The following OCM2 variants were observed in gnomAD, a reference collection of about 807,000 sequenced individuals.
The protein encoded by OCM2 is oncomodulin 2.
OCM2 carries 6 observed loss-of-function variants against 13.6 expected under a neutral mutation model. The ratio of observed to expected loss-of-function variants is 0.44; its 90% CI spans 0.24 to 0.87. The LOEUF (loss-of-function observed/expected upper bound fraction) is 0.87. OCM2 is among the 40% of genes least tolerant of loss of function. OCM2 has a pLI of 0.22. For missense variants in OCM2, 118 were observed against 136.8 expected (o/e 0.86, Z 0.68); for synonymous variants, 40 against 50.7 (o/e 0.79, Z 0.90).
At chr7:97,990,111 C>G in exon 1 of OCM2, 1 of 1,524,712 alleles carries the variant, frequency 6.6e-7, no homozygotes. Context: ...TCATTTTCTA[C>G]CTACTCACAC....
At chr7:97,988,472 A>T (rs749773834) in exon 2 of OCM2, 2 of 1,614,152 alleles carry the variant, frequency 1.2e-6, no homozygotes, top group Admixed American at 3.3e-5. Context: ...ACCGGAAAAC[A>T]TCCTTCACCT....
At chr7:97,990,016 T>TGGCGGCCC in intron 1 of OCM2, 28 bp downstream of exon 1, 2 of 1,083,840 alleles carry the variant, frequency 1.8e-6, no homozygotes, top group Non-Finnish European at 2.8e-6. Context: ...TGTGAGGAAA[T>TGGCGGCCC]CCCACCCCCG....
At chr7:97,989,087 T>G (rs190802488) in intron 1 of OCM2, among the ~76,000 whole-genome samples, 3 of 151,432 alleles carry the variant, frequency 2.0e-5, no homozygotes, top group African/African-American at 7.3e-5. Context: ...TGCACCCCCA[T>G]GCCCAGCTCA....
chr7:97,984,804 G>A (rs944650669), exon 4 of OCM2: 43 of 1,113,492 alleles, frequency 3.9e-5, no homozygotes, highest in African/African-American at 2.8e-4. Context: ...TGACTCTCTC[G>A]TGACCTCGCT....
At position 97,985,271 on chromosome 7, in the gene OCM2, TA is replaced by T. The variant is rs570498611; in HGVS notation, c.305-289del. 1.3e-3 allele frequency among the ~76,000 whole-genome samples: 193 copies of T among 151,956 alleles called. 1 individual carries two copies. The highest frequency in any genetic ancestry group is 4.5e-3 in the African/African-American group (185 of 41,468). On this transcript the variant is annotated intron_variant, in intron 3 of 3. Transcript: ENST00000257627. ...CTGTCTCTACTAAAAATACAAAACT[TA>T]GCCGGGCGTGGTGGCATGTGCCTGT...
intron 2 of OCM2, among the ~76,000 whole-genome samples, 156 bp from the exon 3 acceptor site, chr7:97,987,312 C>A (rs543819657): frequency 4.6e-5 from 7 of 152,104 alleles, no homozygotes; most frequent in Non-Finnish European, 8.8e-5. Flanking sequence ...CTGTAGAAAC[C>A]AATGGTGGGC....
At chr7:97,988,376 A>C in intron 2 of OCM2, 40 bp downstream of exon 2, 1 of 1,612,434 alleles carries the variant, frequency 6.2e-7, no homozygotes, top group Non-Finnish European at 8.5e-7. Context: ...AGGCCCACCC[A>C]GCAGTGCCAG....
At chr7:97,986,242 C>G (rs566906826) in intron 3 of OCM2, among the ~76,000 whole-genome samples, 1 of 152,184 alleles carries the variant, frequency 6.6e-6, no homozygotes, top group South Asian at 2.1e-4. Context: ...GGCAATCCCC[C>G]CTTACCTAAT....
intron 3 of OCM2, 40 bp from the exon 4 acceptor site, chr7:97,985,023 C>CT: frequency 1.2e-6 from 2 of 1,613,974 alleles, no homozygotes; most frequent in Non-Finnish European, 1.7e-6. Flanking sequence ...GTGGAGGTGG[C>CT]TTCGTTCTTT....
At position 97,988,308 on chromosome 7, in the gene OCM2, C is replaced by T. The variant is rs1003530452; in HGVS notation, c.194+108G>A. 2.1e-6 allele frequency: 3 copies of T among 1,400,550 alleles called. No individual in the cohort carries two copies. The African/African-American group carries it at 4.3e-5, about 20-fold the overall frequency. 86.8% of individuals were successfully genotyped at this position (1,400,550 alleles called of 1,614,324 possible). On this transcript the variant is annotated intron_variant, in intron 2 of 3. Transcript: ENST00000257627. ...GCTTTAATGATGCTTGGCCGAATGA[C>T]CAACACCAAGGCTGGCCATTGAAGA...
chr7:97,988,920 G>A (rs1584171429), intron 1 of OCM2, among the ~76,000 whole-genome samples: 2 of 140,650 alleles, frequency 1.4e-5, no homozygotes. Context: ...GGCCTTTGGC[G>A]ATTTCTTTCT....
intron 3 of OCM2, 69 bp from the exon 4 acceptor site, chr7:97,985,052 G>T: frequency 8.7e-6 from 14 of 1,608,530 alleles, no homozygotes; most frequent in Non-Finnish European, 1.2e-5. Context: ...GCCGTGGCCA[G>T]TGAGAATTCC....
chr7:97,986,822 G>A lies in OCM2; in HGVS notation c.304+225C>T, dbSNP rs149559318. On this transcript the variant is annotated intron_variant, in intron 3 of 3. Coordinates refer to ENST00000257627, the Ensembl canonical transcript of OCM2. ...GGATATTTTGCAGCTCATAGACAATGACCAGTGTGACCAGCTTCTATATAC... is the reference window on the plus strand; with the variant it reads ...GGATATTTTGCAGCTCATAGACAATAACCAGTGTGACCAGCTTCTATATAC... Among the ~76,000 whole-genome samples the A allele has an allele frequency of 2.0e-5, 3 of 152,250 alleles. No homozygotes were observed. In the East Asian group the frequency reaches 5.8e-4, roughly 29 times the overall value.
chr7:97,985,478 A>C (rs1794661840), intron 3 of OCM2, among the ~76,000 whole-genome samples: 1 of 151,890 alleles, frequency 6.6e-6, no homozygotes, highest in Non-Finnish European at 1.5e-5. Flanking sequence ...GGTATCAATG[A>C]CTATATCTCA....
At position 97,986,555 on chromosome 7, in the gene OCM2, C is replaced by T. The variant is rs192833418; in HGVS notation, c.304+492G>A. On this transcript the variant is annotated intron_variant, in intron 3 of 3. Transcript: ENST00000257627. Reference sequence around the variant, plus strand: ...TAAATGAGGTTGGCTTATTTGTTCTCTGTTTAATATTATCCCCTTGGCGGG... The same window carrying T: ...TAAATGAGGTTGGCTTATTTGTTCTTTGTTTAATATTATCCCCTTGGCGGG... 1.5e-3 allele frequency among the ~76,000 whole-genome samples: 222 copies of T among 152,258 alleles called. 1 individual carries two copies. Among genetic ancestry groups the T allele is most frequent in the African/African-American group, 5.2e-3 (217 of 41,548 alleles).
intron 3 of OCM2, among the ~76,000 whole-genome samples, chr7:97,986,298 C>G (rs1584169588): frequency 6.9e-6 from 1 of 145,038 alleles, no homozygotes; most frequent in Non-Finnish European, 1.5e-5. Context: ...ATGTAGTAAG[C>G]GATAGTGGTA....
intron 3 of OCM2, among the ~76,000 whole-genome samples, chr7:97,985,749 C>T (rs1445122258): frequency 1.3e-5 from 2 of 152,090 alleles, no homozygotes; most frequent in Non-Finnish European, 2.9e-5. Flanking sequence ...TTTGAACTGA[C>T]TTTCCTCCAT....
At chr7:97,987,137 C>T in exon 3 of OCM2, 1 of 1,613,772 alleles carries the variant, frequency 6.2e-7, no homozygotes, top group Non-Finnish European at 8.5e-7. Context: ...GCACCACTCT[C>T]AAACTTCTGG....
At chr7:97,988,439 C>A (rs1794694113) in exon 2 of OCM2, 1 of 1,614,166 alleles carries the variant, frequency 6.2e-7, no homozygotes, top group Non-Finnish European at 8.5e-7. Context: ...CATCCAGATA[C>A]CCGCTCTGGT....
Sources: allele counts gnomAD v4.1 joint callset (sites outside exome capture counted in the v4.1 genomes callset), GRCh38; gene constraint gnomAD v4.1.1; transcripts MANE v1.5; gene names NCBI Gene and HGNC (gene_info 2026-07-23, HGNC 2026-07-21).